Variants in IRAK3 observed in about 807,000 individuals in gnomAD.
IRAK3 encodes interleukin-1 receptor-associated kinase 3.
In IRAK3, 57 loss-of-function variants were observed where a neutral mutation model predicts 56.6. The observed-to-expected ratio is 1.01, with a 90% CI of 0.81 to 1.26. IRAK3 has a LOEUF of 1.26. Ranked by LOEUF, IRAK3 falls within the 50% of genes most tolerant of loss-of-function variation. The pLI is 0.00. For missense variants in IRAK3, 703 were observed against 719.0 expected, an observed-to-expected ratio of 0.98 and a Z score of 0.25; for synonymous variants, 258 against 255.7, an observed-to-expected ratio of 1.01 and a Z score of -0.09.
Position 66,248,112 on chromosome 12 carries a change from G to T in IRAK3, c.1732G>T (p.Glu578Ter), listed in dbSNP as rs1217700166. ...GCATTCTTGCAGGAGCAGGCCAGTG[G>T]AGAGCAGCTGTTCCTCCAAATTTTC... ...PGHSCRSRPV[E>*]SSCSSKFSWD... Residue 578 changes from glutamate to a stop codon, truncating the protein, a stop_gained, in exon 12 of 12, where the codon GAG becomes TAG. Coordinates refer to ENST00000261233, the MANE Select transcript of IRAK3 (RefSeq NM_007199.3). LOFTEE classifies it low-confidence loss of function (END_TRUNC). 1 of 1,611,330 alleles carries T rather than the reference G, an allele frequency of 6.2e-7. No individual in the cohort carries two copies.
chr12:66,244,778 T>C (rs2053010467), intron 9 of IRAK3, 94 bp downstream of exon 9: 2 of 1,202,494 alleles, frequency 1.7e-6, no homozygotes, highest in Non-Finnish European at 2.4e-6. Flanking sequence ...TTTTGACTCA[T>C]TGATTTCCTG....
intron 1 of IRAK3, 55 bp downstream of exon 1, chr12:66,189,487 C>A: frequency 9.1e-6 from 10 of 1,100,218 alleles, no homozygotes; most frequent in Non-Finnish European, 1.1e-5. Context: ...CGCCGCGGGG[C>A]CCGCTCGGCG....
Position 66,211,426 on chromosome 12 carries a change from C to T in IRAK3, c.437-20C>T. The T allele has an allele frequency of 6.4e-7, 1 of 1,554,164 alleles. No homozygotes were observed. The highest frequency in any genetic ancestry group is 1.1e-5 in the South Asian group (1 of 89,496). ...GTTCCTTCTTAGCTAACTTATCTTCCCCCTACTTTCCTTCCTAAGGAATAC... is the reference window on the plus strand; with the variant it reads ...GTTCCTTCTTAGCTAACTTATCTTCTCCCTACTTTCCTTCCTAAGGAATAC... On this transcript the variant is annotated intron_variant, in intron 4 of 11. Transcript: ENST00000261233.
At chr12:66,225,690 G>A (rs757016134) in intron 6 of IRAK3, among the ~76,000 whole-genome samples, 1 of 151,876 alleles carries the variant, frequency 6.6e-6, no homozygotes, top group Non-Finnish European at 1.5e-5. Flanking sequence ...TCATAGTGAT[G>A]GCACACACAA....
intron 6 of IRAK3, among the ~76,000 whole-genome samples, 181 bp from the exon 7 acceptor site, chr12:66,226,542 G>A (rs576833333): frequency 3.3e-4 from 50 of 152,216 alleles, no homozygotes; most frequent in African/African-American, 1.1e-3. Flanking sequence ...GCACCTGGCC[G>A]TTAGAACTCT....
chr12:66,254,076 T>C lies in IRAK3; in HGVS notation c.*5905T>C, dbSNP rs2053129400. The stretch of plus-strand genomic sequence containing the variant: ...CAATTGACAAAAATGGAATTCTTGT[T>C]CAATACTGGCAGGAGTGAAAATTGG... On this transcript the variant is annotated 3_prime_UTR_variant, in exon 12 of 12. Transcript: ENST00000261233. The C allele has an allele frequency of 6.6e-6, 1 of 152,188 alleles. No individual in the cohort carries two copies. Among genetic ancestry groups the C allele is most frequent in the African/African-American group, 2.4e-5 (1 of 41,454 alleles). The allele number at this position is 152,188 out of a possible 1,614,324, so 9.4% of individuals were successfully genotyped here. A position where few individuals can be genotyped will look rare whatever the true frequency, so the allele number is the denominator to read the frequency against.
At chr12:66,200,742 A>G (rs1313962896) in intron 1 of IRAK3, among the ~76,000 whole-genome samples, 2 of 152,108 alleles carry the variant, frequency 1.3e-5, no homozygotes, top group African/African-American at 4.8e-5. Flanking sequence ...TGCTGGCTTG[A>G]TTTCAAATAT....
At chr12:66,231,744 AGTTG>A (rs1178342409) in intron 8 of IRAK3, among the ~76,000 whole-genome samples, 1 of 152,184 alleles carries the variant, frequency 6.6e-6, no homozygotes, top group East Asian at 1.9e-4. Flanking sequence ...AAGAGAAATC[AGTTG>A]GTTGGAAAAG....
At position 66,248,024 on chromosome 12, in the gene IRAK3, A is replaced by T; in HGVS notation, c.1644A>T (p.Ile548=). ...SCEESWFPKY[I]VPSQDLRPYK... is the part of the protein sequence containing the mutation. ...AAGAAAGTTGGTTCCCAAAGTATAT[A>T]GTTCCATCCCAGGACTTAAGGCCCT... is the stretch of plus-strand genomic sequence containing the variant. Residue 548 remains isoleucine (I), a synonymous_variant, in exon 12 of 12, where the codon ATA becomes ATT. Transcript: ENST00000261233. The T allele has an allele frequency of 6.3e-7, 1 of 1,592,722 alleles. No individual in the cohort carries two copies. The highest frequency in any genetic ancestry group is 8.5e-7 in the Non-Finnish European group (1 of 1,171,460).
At chr12:66,224,373 AACAG>A (rs2052765471) in intron 6 of IRAK3, among the ~76,000 whole-genome samples, 3 of 152,188 alleles carry the variant, frequency 2.0e-5, no homozygotes, top group African/African-American at 7.2e-5. Context: ...CCCCTAAGTA[AACAG>A]ACAATTTCAA....
At chr12:66,210,403 T>C (rs990947137) in intron 4 of IRAK3, among the ~76,000 whole-genome samples, 1 of 150,780 alleles carries the variant, frequency 6.6e-6, no homozygotes, top group Non-Finnish European at 1.5e-5. Context: ...TAAGGCTCCA[T>C]TGGCTAATGA....
intron 8 of IRAK3, among the ~76,000 whole-genome samples, chr12:66,242,969 G>A (rs1394984159): frequency 2.0e-5 from 3 of 152,050 alleles, no homozygotes; most frequent in Non-Finnish European, 4.4e-5. Flanking sequence ...AGGAGGCTGA[G>A]GCAGGAGACT....
At chr12:66,221,075 A>C (rs1157888762) in intron 6 of IRAK3, among the ~76,000 whole-genome samples, 3 of 152,098 alleles carry the variant, frequency 2.0e-5, no homozygotes, top group Non-Finnish European at 4.4e-5. Flanking sequence ...TAACGCACAA[A>C]ATTTTCACCT....
At chr12:66,196,852 A>G (rs2052458434) in intron 1 of IRAK3, 4 of 1,468,756 alleles carry the variant, frequency 2.7e-6, no homozygotes, top group Middle Eastern at 3.8e-4. Context: ...GTAGAAAGAA[A>G]GAGACATCTT....
At chr12:66,196,494 C>T (rs1363078091) in intron 1 of IRAK3, among the ~76,000 whole-genome samples, 1 of 152,040 alleles carries the variant, frequency 6.6e-6, no homozygotes, top group Non-Finnish European at 1.5e-5. Context: ...CTGACTGAAA[C>T]CTTGGTGTTG....
chr12:66,220,486 G>A (rs1441285587), intron 6 of IRAK3, among the ~76,000 whole-genome samples: 2 of 146,078 alleles, frequency 1.4e-5, no homozygotes, highest in East Asian at 2.0e-4. Flanking sequence ...AAATCAGGAC[G>A]TGAATGCCTC....
chr12:66,242,522 T>C (rs1152918), intron 8 of IRAK3, among the ~76,000 whole-genome samples: 134,952 of 152,172 alleles, frequency 0.89, 60,621 homozygotes, highest in Non-Finnish European at 0.96. Flanking sequence ...TGGGGGTGTG[T>C]GAGGCCCAGG....
chr12:66,225,444 C>G (rs1383253173), intron 6 of IRAK3, among the ~76,000 whole-genome samples: 1 of 151,732 alleles, frequency 6.6e-6, no homozygotes, highest in African/African-American at 2.4e-5. Context: ...ATCAGAATCC[C>G]CCTCCCCCGC....
chr12:66,244,721 T>A (rs746574047), intron 9 of IRAK3, 37 bp downstream of exon 9: 15 of 1,538,778 alleles, frequency 9.7e-6, no homozygotes, highest in Non-Finnish European at 1.3e-5. Context: ...GGAGAGTTTA[T>A]TGCCAAGAAT....
Sources: allele counts gnomAD v4.1 joint callset (sites outside exome capture counted in the v4.1 genomes callset), GRCh38; gene constraint gnomAD v4.1.1; transcripts MANE v1.5; gene names NCBI Gene and HGNC (gene_info 2026-07-23, HGNC 2026-07-21).